The following BLNK variants were observed in gnomAD, a reference collection of about 807,000 sequenced individuals.
The protein encoded by BLNK is B-cell linker protein.
BLNK carries 29 observed loss-of-function variants against 73.5 expected under a neutral mutation model. That is an observed-to-expected ratio of 0.39 (90% CI 0.29 to 0.54). BLNK has a LOEUF of 0.54. Among genes scored for constraint, BLNK ranks in the 20% least tolerant of loss-of-function variants. BLNK has a pLI of 0.61. For synonymous variants in BLNK, 176 were observed against 200.8 expected, an observed-to-expected ratio of 0.88 and a Z score of 1.04; for missense variants, 460 against 562.8, an observed-to-expected ratio of 0.82 and a Z score of 1.85.
intron 6 of BLNK, among the ~76,000 whole-genome samples, chr10:96,223,518 A>AAG (rs2084249543): frequency 6.6e-6 from 1 of 152,306 alleles, no homozygotes; most frequent in African/African-American, 2.4e-5. Flanking sequence ...AAGGAGAATA[A>AAG]AGAGAGAGGA....
intron 3 of BLNK, among the ~76,000 whole-genome samples, chr10:96,237,297 G>T (rs1412827563): frequency 3.3e-5 from 5 of 152,186 alleles, no homozygotes; most frequent in Admixed American, 3.3e-4. Context: ...CCATACTTCT[G>T]TGTGGGCATT....
chr10:96,193,430 A>G (rs1353059648), intron 16 of BLNK, among the ~76,000 whole-genome samples: 1 of 152,216 alleles, frequency 6.6e-6, no homozygotes, highest in Non-Finnish European at 1.5e-5. Context: ...CAAATATCTC[A>G]TTCCGTCCCT....
At chr10:96,233,464 T>C (rs1842582266) in intron 3 of BLNK, among the ~76,000 whole-genome samples, 1 of 152,212 alleles carries the variant, frequency 6.6e-6, no homozygotes, top group East Asian at 1.9e-4. Context: ...AAGTAGAGGT[T>C]CTGTGGCAAC....
At chr10:96,261,453 T>C (rs8181290) in intron 1 of BLNK, among the ~76,000 whole-genome samples, 108,716 of 152,076 alleles carry the variant, frequency 0.71, 43,352 homozygotes, top group Non-Finnish European at 0.9. Flanking sequence ...ACTTTTGAGG[T>C]ATTTTCATGA....
chr10:96,247,755 G>A (rs1354899144), intron 1 of BLNK, among the ~76,000 whole-genome samples: 1 of 152,130 alleles, frequency 6.6e-6, no homozygotes, highest in Non-Finnish European at 1.5e-5. Context: ...CCCAGGCCAA[G>A]TCTTCCTGTG....
In BLNK at chr10:96,191,913, C is replaced by T; in HGVS notation, c.*60G>A. 1 of 1,607,840 alleles carries T rather than the reference C, an allele frequency of 6.2e-7. No homozygotes were observed. Among genetic ancestry groups the T allele is most frequent in the Non-Finnish European group, 8.5e-7 (1 of 1,176,340 alleles). ...AATATGAAGTTTTGGGACTTTTTCT[C>T]AAAAGGAGAAACTTTGGGAAAGTGT... On this transcript the variant is annotated 3_prime_UTR_variant, in exon 17 of 17. Coordinates refer to ENST00000224337, the MANE Select transcript of BLNK (RefSeq NM_013314.4).
chr10:96,240,864 G>A (rs1356671459), intron 3 of BLNK, among the ~76,000 whole-genome samples: 9 of 152,234 alleles, frequency 5.9e-5, no homozygotes, highest in African/African-American at 2.2e-4. Flanking sequence ...TTAACAGGTT[G>A]AGTCTGCTTT....
chr10:96,263,902 A>G (rs1254295473), intron 1 of BLNK, among the ~76,000 whole-genome samples: 1 of 152,152 alleles, frequency 6.6e-6, no homozygotes, highest in African/African-American at 2.4e-5. Context: ...TGTGCTGGGG[A>G]ACCCCGAGGT....
At chr10:96,208,027 T>C in intron 9 of BLNK, 128 bp from the exon 10 acceptor site, 1 of 1,006,884 alleles carries the variant, frequency 9.9e-7, no homozygotes, top group Non-Finnish European at 1.6e-6. Context: ...AAGACTATCC[T>C]TGCAGGGTGG....
At chr10:96,207,223 A>C (rs1554897620) in intron 10 of BLNK, among the ~76,000 whole-genome samples, 170 bp from the exon 11 acceptor site, 2 of 152,232 alleles carry the variant, frequency 1.3e-5, no homozygotes, top group South Asian at 4.1e-4. Flanking sequence ...CAACCTTTGC[A>C]TTAAGCAACA....
At chr10:96,263,079 G>A (rs1156541631) in intron 1 of BLNK, among the ~76,000 whole-genome samples, 1 of 152,198 alleles carries the variant, frequency 6.6e-6, no homozygotes, top group African/African-American at 2.4e-5. Context: ...CATTGTAGAA[G>A]CAGGCAAGGC....
intron 8 of BLNK, among the ~76,000 whole-genome samples, chr10:96,214,399 G>C (rs1361435388): frequency 1.3e-5 from 2 of 152,140 alleles, no homozygotes; most frequent in African/African-American, 4.8e-5. Flanking sequence ...GATGAAACTG[G>C]TAACATCTGG....
chr10:96,215,071 G>T (rs112145536), intron 8 of BLNK, among the ~76,000 whole-genome samples: 2 of 152,248 alleles, frequency 1.3e-5, no homozygotes, highest in Non-Finnish European at 2.9e-5. Context: ...CAAGGAAGGG[G>T]ACACAGAGAA....
Position 96,227,402 on chromosome 10 carries a change from G to T in BLNK, c.361+8C>A, listed in dbSNP as rs782472139. On this transcript the variant is annotated splice_region_variant and intron_variant, in intron 5 of 16. Transcript: ENST00000224337. ...AGGCCGAGTGCCCAGGTCTGCGGGG[G>T]ACCTCACCTATATACTCGCCTCTGG... The T allele has an allele frequency of 1.9e-6, 3 of 1,613,248 alleles. No homozygotes were observed. In the African/African-American group the frequency reaches 4.0e-5, roughly 21 times the overall value.
At chr10:96,230,511 G>C (rs1255743895) in intron 4 of BLNK, among the ~76,000 whole-genome samples, 1 of 152,128 alleles carries the variant, frequency 6.6e-6, no homozygotes, top group Admixed American at 6.5e-5. Flanking sequence ...CACCTGTTTT[G>C]GATGTGCTGG....
At chr10:96,236,225 C>G (rs1842684875) in intron 3 of BLNK, among the ~76,000 whole-genome samples, 1 of 152,246 alleles carries the variant, frequency 6.6e-6, no homozygotes, top group East Asian at 1.9e-4. Flanking sequence ...CTGGAGGCTA[C>G]CCGGCCGCCA....
chr10:96,230,714 C>T lies in BLNK; in HGVS notation c.204+80G>A, dbSNP rs1305961704. ...CTTGGGACGTGCGGCTGACCACCAG[C>T]ATGTAATTCAGAAATAAGATCTTCA... On this transcript the variant is annotated intron_variant, in intron 4 of 16. Transcript: ENST00000224337. 1.1e-5 allele frequency: 17 copies of T among 1,485,542 alleles called. No homozygotes were observed. In the Admixed American group the frequency reaches 1.6e-4, roughly 14 times the overall value. 92.0% of individuals were successfully genotyped at this position (1,485,542 alleles called of 1,614,324 possible). A position where few individuals can be genotyped will look rare whatever the true frequency, so the allele number is the denominator to read the frequency against.
intron 1 of BLNK, among the ~76,000 whole-genome samples, chr10:96,268,110 A>G (rs1844094889): frequency 6.6e-6 from 1 of 152,210 alleles, no homozygotes; most frequent in Non-Finnish European, 1.5e-5. Context: ...ACCCGATTTG[A>G]CCACACTTGT....
intron 4 of BLNK, among the ~76,000 whole-genome samples, chr10:96,229,785 A>G (rs1842428794): frequency 6.6e-6 from 1 of 151,948 alleles, no homozygotes; most frequent in South Asian, 2.1e-4. Flanking sequence ...TCCATGACCA[A>G]GAGATGGGCA....
Sources: gnomAD v4.1 joint callset for allele counts (sites outside exome capture counted in the v4.1 genomes callset) on GRCh38, gnomAD v4.1.1 for gene constraint, MANE v1.5 for transcripts, NCBI Gene and HGNC (gene_info 2026-07-23, HGNC 2026-07-21) for gene names.